Variants in WFS1 observed in about 807,000 individuals in gnomAD.
The protein encoded by WFS1 is wolframin ER transmembrane glycoprotein.
Under a neutral mutation model 68.5 loss-of-function variants are expected in WFS1, and 90 were observed. The observed-to-expected ratio is 1.31, with a 90% CI of 1.11 to 1.56. The LOEUF (loss-of-function observed/expected upper bound fraction) is 1.56. Ranked by LOEUF, WFS1 falls within the 40% of genes most tolerant of loss-of-function variation. The pLI, the probability that WFS1 is intolerant of heterozygous loss-of-function variation, is 0.00. For synonymous variants in WFS1, 860 were observed against 540.7 expected, an observed-to-expected ratio of 1.59 and a Z score of -8.19; for missense variants, 1,767 against 1,232.6, an observed-to-expected ratio of 1.43 and a Z score of -6.49.
intron 2 of WFS1, among the ~76,000 whole-genome samples, chr4:6,284,612 G>A (rs962076313): frequency 3.9e-5 from 6 of 151,950 alleles, no homozygotes; most frequent in African/African-American, 1.5e-4. Flanking sequence ...GCGTTGTGGT[G>A]GGAAGTACAG....
At chr4:6,281,421 G>T (rs768562630) in intron 2 of WFS1, among the ~76,000 whole-genome samples, 29 of 143,356 alleles carry the variant, frequency 2.0e-4, no homozygotes, top group Non-Finnish European at 2.4e-4. Context: ...ATTGTCGTGA[G>T]TGGGGCTCAG....
At position 6,301,753 on chromosome 4, in the gene WFS1, G is replaced by T. The variant is rs199697430; in HGVS notation, c.1958G>T (p.Arg653Leu). 2 of 1,613,762 alleles carry T rather than the reference G, an allele frequency of 1.2e-6. No homozygotes were observed. Among genetic ancestry groups the T allele is most frequent in the Non-Finnish European group, 1.7e-6 (2 of 1,180,036 alleles). The change falls in exon 8 of 8, where the codon CGC becomes CTC. Residue 653 changes from arginine to leucine, a missense_variant. By Grantham distance (102) the Arg-to-Leu change is moderately radical (BLOSUM62 -2). Coordinates refer to ENST00000226760, the MANE Select transcript of WFS1 (RefSeq NM_006005.3). ...IVLFCWFYVY[R>L]SEGMKVYNST... The stretch of plus-strand genomic sequence containing the variant: ...CTGTTCTGCTGGTTCTATGTGTACC[G>T]CTCAGAGGGCATGAAGGTCTACAAC...
Position 6,302,556 on chromosome 4 carries a change from C to G in WFS1, c.*88C>G. On this transcript the variant is annotated 3_prime_UTR_variant, in exon 8 of 8. Coordinates refer to ENST00000226760, the MANE Select transcript of WFS1 (RefSeq NM_006005.3). ...CCAGCCCGACAGGCATGCACCAGTGCCGCCTGTGCCCACGTGTGCAGACTG... is the reference window on the plus strand; with the variant it reads ...CCAGCCCGACAGGCATGCACCAGTGGCGCCTGTGCCCACGTGTGCAGACTG... 1 of 1,573,332 alleles carries G rather than the reference C, an allele frequency of 6.4e-7. No homozygotes were observed. The highest frequency in any genetic ancestry group is 8.6e-7 in the Non-Finnish European group (1 of 1,160,424).
At chr4:6,279,095 G>T (rs73795939) in intron 2 of WFS1, among the ~76,000 whole-genome samples, 2 of 152,160 alleles carry the variant, frequency 1.3e-5, no homozygotes, top group African/African-American at 4.8e-5. Flanking sequence ...TGGGCATCCC[G>T]TCTCCCAGTC....
At chr4:6,284,221 A>C (rs755933048) in intron 2 of WFS1, among the ~76,000 whole-genome samples, 1 of 151,946 alleles carries the variant, frequency 6.6e-6, no homozygotes, top group Non-Finnish European at 1.5e-5. Context: ...AATACAAAAA[A>C]ACTTAGCTGG....
intron 1 of WFS1, among the ~76,000 whole-genome samples, chr4:6,273,453 C>T (rs1729895458): frequency 6.6e-6 from 1 of 152,164 alleles, no homozygotes; most frequent in Non-Finnish European, 1.5e-5. Flanking sequence ...TCTGAGGGTG[C>T]AGAGTGGATG....
chr4:6,284,880 A>G (rs1156828513), intron 2 of WFS1, among the ~76,000 whole-genome samples: 1 of 150,342 alleles, frequency 6.7e-6, no homozygotes, highest in East Asian at 2.0e-4. Context: ...CTGTGGGCCC[A>G]TGGCCTTGGT....
In WFS1 at chr4:6,294,585, A is replaced by T. The variant is rs138557179; in HGVS notation, c.713-456A>T. 6.4e-3 allele frequency among the ~76,000 whole-genome samples: 975 copies of T among 152,242 alleles called. 7 individuals are homozygous for T. The highest frequency in any genetic ancestry group is 0.014 in the Middle Eastern group (4 of 294). ...CGTTGAATGGAGGGGTTGGGGGCGCAGATCATGTTCGATGGAGCGGTTGGC... is the reference window on the plus strand; with the variant it reads ...CGTTGAATGGAGGGGTTGGGGGCGCTGATCATGTTCGATGGAGCGGTTGGC... On this transcript the variant is annotated intron_variant, in intron 6 of 7. Coordinates refer to ENST00000226760, the MANE Select transcript of WFS1 (RefSeq NM_006005.3).
intron 2 of WFS1, among the ~76,000 whole-genome samples, chr4:6,285,533 C>T (rs1445940675): frequency 6.6e-6 from 1 of 152,158 alleles, no homozygotes; most frequent in Non-Finnish European, 1.5e-5. Flanking sequence ...AAACACATGC[C>T]TCACCCACAC....
intron 1 of WFS1, among the ~76,000 whole-genome samples, chr4:6,272,137 G>A (rs553410881): frequency 2.6e-4 from 40 of 152,360 alleles, no homozygotes; most frequent in African/African-American, 2.4e-4. Context: ...CTTCTGTGCC[G>A]TCTTTGTGGG....
chr4:6,275,146 G>GC (rs1249436674), intron 1 of WFS1, among the ~76,000 whole-genome samples: 5 of 152,358 alleles, frequency 3.3e-5, no homozygotes, highest in African/African-American at 1.2e-4. Flanking sequence ...AGAGAACAGA[G>GC]CCGTTGGTCT....
At chr4:6,275,513 G>A (rs1729966120) in intron 1 of WFS1, among the ~76,000 whole-genome samples, 1 of 149,470 alleles carries the variant, frequency 6.7e-6, no homozygotes, top group Non-Finnish European at 1.5e-5. Flanking sequence ...TCCCAAGCTT[G>A]ACCATGCATG....
intron 6 of WFS1, among the ~76,000 whole-genome samples, chr4:6,292,611 C>T (rs547505819): frequency 6.6e-6 from 1 of 152,252 alleles, no homozygotes; most frequent in East Asian, 1.9e-4. Context: ...CACTGTCTTC[C>T]ATCCACGTGG....
chr4:6,287,347 CTG>C lies in WFS1; in HGVS notation c.315+175_315+176del, dbSNP rs1267408904. The C allele has an allele frequency of 1.2e-5, 8 of 660,860 alleles. No homozygotes were observed. Among genetic ancestry groups the C allele is most frequent in the Non-Finnish European group, 2.2e-5 (8 of 364,666 alleles). The allele number at this position is 660,860 out of a possible 1,614,324, so 40.9% of individuals were successfully genotyped here. ...CATGTTGGTAGGGTGCCCATGTTCA[CTG>C]TGCCAGTTTTCCTCCTGGCACTCCT... On this transcript the variant is annotated intron_variant, in intron 3 of 7. Transcript: ENST00000226760. This position sits in a 1 kb window ranked among gnomAD's most constrained non-coding sequence, Gnocchi z 6.4.
At chr4:6,278,109 T>C (rs202235477) in intron 2 of WFS1, among the ~76,000 whole-genome samples, 1 of 152,232 alleles carries the variant, frequency 6.6e-6, no homozygotes, top group East Asian at 1.9e-4. Flanking sequence ...CCCCTCTCCC[T>C]GAGGGAGACT....
In WFS1 at chr4:6,281,380, A is replaced by G. The variant is rs1343919649; in HGVS notation, c.232+3693A>G. On this transcript the variant is annotated intron_variant, in intron 2 of 7. Coordinates refer to ENST00000226760, the MANE Select transcript of WFS1 (RefSeq NM_006005.3). ...TGTCAAGAGGTCAGCCAGGCCAAGCAGGGCCCTGAGGGTCAGGGAAAGGAG... is the reference window on the plus strand; with the variant it reads ...TGTCAAGAGGTCAGCCAGGCCAAGCGGGGCCCTGAGGGTCAGGGAAAGGAG... Among the ~76,000 whole-genome samples the G allele has an allele frequency of 4.6e-5, 7 of 152,186 alleles. No homozygotes were observed. In the East Asian group the frequency reaches 9.7e-4, roughly 21 times the overall value.
At chr4:6,290,390 G>A (rs1196137523) in intron 4 of WFS1, among the ~76,000 whole-genome samples, 1 of 152,228 alleles carries the variant, frequency 6.6e-6, no homozygotes, top group East Asian at 1.9e-4. Context: ...GACCTGGAGG[G>A]GGCTCAGGCG....
chr4:6,287,307 AC>A lies in WFS1; in HGVS notation c.315+136del. 2.5e-6 allele frequency: 2 copies of A among 789,176 alleles called. No homozygotes were observed. The highest frequency in any genetic ancestry group is 2.7e-5 in the East Asian group (1 of 36,940). 48.9% of individuals were successfully genotyped at this position (789,176 alleles called of 1,614,324 possible). ...GTCAGGAGCCAGCGTGGTGCACCCT[AC>A]CCCACTTGAGCCCCATGTTGGTAGG... On this transcript the variant is annotated intron_variant, in intron 3 of 7. Coordinates refer to ENST00000226760, the MANE Select transcript of WFS1 (RefSeq NM_006005.3). This position sits in a 1 kb window ranked among gnomAD's most constrained non-coding sequence, Gnocchi z 6.4.
At chr4:6,297,378 C>T (rs540834293) in intron 7 of WFS1, among the ~76,000 whole-genome samples, 1 of 152,200 alleles carries the variant, frequency 6.6e-6, no homozygotes, top group Non-Finnish European at 1.5e-5. Flanking sequence ...ACAGACACCT[C>T]TTTGTGAGCC....
Sources: allele counts gnomAD v4.1 joint callset (sites outside exome capture counted in the v4.1 genomes callset), GRCh38; gene constraint gnomAD v4.1.1; non-coding constraint Gnocchi (gnomAD v3.1); transcripts MANE v1.5; gene names NCBI Gene and HGNC (gene_info 2026-07-23, HGNC 2026-07-21).